JAKMIP2: variants seen among roughly 807,000 people sequenced by gnomAD.
JAKMIP2 encodes the protein janus kinase and microtubule-interacting protein 2.
Under a neutral mutation model 115.0 loss-of-function variants are expected in JAKMIP2, and 25 were observed. The ratio of observed to expected loss-of-function variants is 0.22; its 90% CI spans 0.16 to 0.30. JAKMIP2 has a LOEUF of 0.30. Among genes scored for constraint, JAKMIP2 ranks in the 10% least tolerant of loss-of-function variants. JAKMIP2 has a pLI of 1.00. For synonymous variants in JAKMIP2, 334 were observed against 343.6 expected, an observed-to-expected ratio of 0.97 and a Z score of 0.31; for missense variants, 642 against 957.6, an observed-to-expected ratio of 0.67 and a Z score of 4.35.
In JAKMIP2 at chr5:147,650,377, T is replaced by C. The variant is rs142626557; in HGVS notation, c.798A>G (p.Pro266=). ...CNMSSPKREI[P]GRAGDGSEHC... ...GTTCGGAACCATCACCTGCCCTTCC[T>C]GGAATTTCTCGTTTTGGGCTGCTCA... Residue 266 remains proline (P), a synonymous_variant, in exon 4 of 22, where the codon CCA becomes CCG. Coordinates refer to ENST00000616793, the MANE Select transcript of JAKMIP2 (RefSeq NM_001270941.2). 21 of 1,613,764 alleles carry C rather than the reference T, an allele frequency of 1.3e-5. No individual in the cohort carries two copies. Among genetic ancestry groups the C allele is most frequent in the Middle Eastern group, 3.3e-4 (2 of 6,058 alleles).
chr5:147,645,348 G>A (rs1758084497), intron 5 of JAKMIP2, among the ~76,000 whole-genome samples: 1 of 152,052 alleles, frequency 6.6e-6, no homozygotes, highest in South Asian at 2.1e-4. Flanking sequence ...CCCTGCACCT[G>A]GAATGACCTG....
chr5:147,670,544 G>A (rs1254505840), intron 2 of JAKMIP2, among the ~76,000 whole-genome samples: 1 of 152,114 alleles, frequency 6.6e-6, no homozygotes, highest in Admixed American at 6.5e-5. Context: ...GCATTTAGGC[G>A]ATGGGATTGA....
chr5:147,734,001 A>C (rs1753828008), intron 1 of JAKMIP2, among the ~76,000 whole-genome samples: 1 of 152,170 alleles, frequency 6.6e-6, no homozygotes, highest in East Asian at 1.9e-4. Flanking sequence ...TTGCTGGGTC[A>C]AATGGTATAT....
At chr5:147,681,716 ATC>A (rs936232277) in intron 1 of JAKMIP2, among the ~76,000 whole-genome samples, 19 of 152,160 alleles carry the variant, frequency 1.2e-4, no homozygotes, top group African/African-American at 4.6e-4. Flanking sequence ...CATCATAGGA[ATC>A]TCAGTGAGTC....
At chr5:147,607,242 G>T (rs1450316351) in intron 20 of JAKMIP2, among the ~76,000 whole-genome samples, 2 of 152,174 alleles carry the variant, frequency 1.3e-5, no homozygotes, top group East Asian at 3.8e-4. Context: ...CAGCATCCTT[G>T]TTTTGTGCCG....
chr5:147,742,155 A>ATATATATATATATATATATATTTTTTTTT, intron 1 of JAKMIP2, among the ~76,000 whole-genome samples: 1 of 108,906 alleles, frequency 9.2e-6, no homozygotes, highest in Non-Finnish European at 1.9e-5. Flanking sequence ...ATATATATAT[A>ATATATATATATATATATATATTTTTTTTT]TTTTTTTTAC....
At chr5:147,603,108 A>G (rs73266291) in intron 20 of JAKMIP2, among the ~76,000 whole-genome samples, 2,111 of 152,260 alleles carry the variant, frequency 0.014, 55 homozygotes, top group African/African-American at 0.049. Context: ...GATGCCCATC[A>G]CTTAATCTGT....
At chr5:147,655,838 T>A (rs1475800040) in intron 3 of JAKMIP2, among the ~76,000 whole-genome samples, 1 of 152,202 alleles carries the variant, frequency 6.6e-6, no homozygotes, top group Non-Finnish European at 1.5e-5. Flanking sequence ...TTTAGTGCTA[T>A]AAATTTCCCT....
chr5:147,593,392 A>T (rs1462139000), intron 21 of JAKMIP2, among the ~76,000 whole-genome samples: 1 of 152,218 alleles, frequency 6.6e-6, no homozygotes, highest in Non-Finnish European at 1.5e-5. Flanking sequence ...GTGTTGGTCA[A>T]CAGTAGCCAA....
At chr5:147,661,560 C>T in intron 2 of JAKMIP2, 115 bp from the exon 3 acceptor site, 1 of 1,081,446 alleles carries the variant, frequency 9.2e-7, no homozygotes. Context: ...ATCTCTTTTC[C>T]AATTCCAGGC....
chr5:147,707,579 C>T (rs1424147402), intron 1 of JAKMIP2, among the ~76,000 whole-genome samples: 1 of 151,970 alleles, frequency 6.6e-6, no homozygotes, highest in Non-Finnish European at 1.5e-5. Context: ...GTTGTTGCTC[C>T]CAGAACTGAA....
Position 147,782,648 on chromosome 5 carries a change from T to TA in JAKMIP2, c.-342dup. On this transcript the variant is annotated 5_prime_UTR_variant, in exon 1 of 22. It removes the in-frame stop codon of an upstream open reading frame in the 5' UTR. Transcript: ENST00000616793. ...TCCAGCCCCACTAGAGTATCAGCAA[T>TA]AGAGGCGGCGGCGGCGGCAGCAGCA... 3 of 683,076 alleles carry TA rather than the reference T, an allele frequency of 4.4e-6. No homozygotes were observed. The highest frequency in any genetic ancestry group is 7.9e-6 in the Non-Finnish European group (3 of 378,794). 42.3% of individuals were successfully genotyped at this position (683,076 alleles called of 1,614,324 possible). A position where few individuals can be genotyped will look rare whatever the true frequency, so the allele number is the denominator to read the frequency against.
At chr5:147,772,184 G>T (rs2127077248) in intron 1 of JAKMIP2, among the ~76,000 whole-genome samples, 1 of 152,180 alleles carries the variant, frequency 6.6e-6, no homozygotes, top group South Asian at 2.1e-4. Flanking sequence ...AAACGCCTTA[G>T]TCTACTAATT....
intron 1 of JAKMIP2, among the ~76,000 whole-genome samples, chr5:147,696,178 A>C (rs931642438): frequency 6.6e-6 from 1 of 152,166 alleles, no homozygotes; most frequent in African/African-American, 2.4e-5. Flanking sequence ...ACATGTTGCA[A>C]AACTTCAGGA....
intron 10 of JAKMIP2, among the ~76,000 whole-genome samples, chr5:147,639,006 A>G (rs61508445): frequency 0.21 from 32,389 of 152,122 alleles, 4,202 homozygotes; most frequent in East Asian, 0.46. Flanking sequence ...GTACATGTCT[A>G]TCTTTTCTTT....
chr5:147,779,754 ACT>A (rs1420187661), intron 1 of JAKMIP2, among the ~76,000 whole-genome samples: 1 of 152,100 alleles, frequency 6.6e-6, no homozygotes, highest in Non-Finnish European at 1.5e-5. Flanking sequence ...CAACTAATGT[ACT>A]CTCTCAAATA....
chr5:147,664,967 C>G (rs1392697403), intron 2 of JAKMIP2, among the ~76,000 whole-genome samples: 1 of 152,176 alleles, frequency 6.6e-6, no homozygotes, highest in East Asian at 1.9e-4. Flanking sequence ...TCCTCAACCC[C>G]TTCCCAGTAT....
chr5:147,632,662 T>C lies in JAKMIP2; in HGVS notation c.1776+18A>G, dbSNP rs375728524. The C allele has an allele frequency of 4.1e-4, 586 of 1,438,282 alleles. No homozygotes were observed. Among genetic ancestry groups the C allele is most frequent in the Non-Finnish European group, 5.3e-4 (548 of 1,025,176 alleles). The allele number at this position is 1,438,282 out of a possible 1,614,324, so 89.1% of individuals were successfully genotyped here. ...ATCATTACGATTATTTTTATTATTA[T>C]CATCATCATTTCCTTACTTCTAGCT... On this transcript the variant is annotated intron_variant, in intron 13 of 21. Transcript: ENST00000616793.
chr5:147,657,885 T>C (rs751212484), intron 3 of JAKMIP2, among the ~76,000 whole-genome samples: 44 of 152,042 alleles, frequency 2.9e-4, no homozygotes, highest in Admixed American at 9.2e-4. Context: ...AAACTGGTTA[T>C]TCTAGTTAGC....
Sources: allele counts gnomAD v4.1 joint callset (sites outside exome capture counted in the v4.1 genomes callset), GRCh38; gene constraint gnomAD v4.1.1; transcripts MANE v1.5; gene names NCBI Gene and HGNC (gene_info 2026-07-23, HGNC 2026-07-21).